The following THRB variants were observed in gnomAD, a reference collection of about 807,000 sequenced individuals.
The protein encoded by THRB is thyroid hormone receptor beta.
A neutral mutation model predicts 47.8 loss-of-function variants in THRB; 12 were observed. The ratio of observed to expected loss-of-function variants is 0.25; its 90% confidence interval spans 0.16 to 0.41. The LOEUF is 0.41. THRB is among the 10% of genes least tolerant of loss of function. The pLI is 1.00. For synonymous variants in THRB, 218 were observed against 212.2 expected (o/e 1.03, Z -0.24); for missense variants, 348 against 589.2 (o/e 0.59, Z 4.24).
intron 1 of THRB, among the ~76,000 whole-genome samples, chr3:24,401,876 A>T (rs1425244587): frequency 6.6e-6 from 1 of 152,042 alleles, no homozygotes; most frequent in Non-Finnish European, 1.5e-5. Flanking sequence ...AAAGATTCTG[A>T]TGCACAAATT....
intron 1 of THRB, among the ~76,000 whole-genome samples, chr3:24,384,512 T>C (rs2065942106): frequency 1.3e-5 from 2 of 152,096 alleles, no homozygotes; most frequent in South Asian, 2.1e-4. Context: ...TAAAATTTGG[T>C]AGGGATTTGA....
intron 1 of THRB, among the ~76,000 whole-genome samples, chr3:24,403,386 A>G (rs1283164888): frequency 6.6e-6 from 1 of 151,994 alleles, no homozygotes; most frequent in Admixed American, 6.6e-5. Flanking sequence ...TTTGGAGCAA[A>G]TAAGATAAAA....
intron 1 of THRB, among the ~76,000 whole-genome samples, chr3:24,347,431 T>C (rs1049642686): frequency 2.7e-5 from 4 of 149,044 alleles, no homozygotes; most frequent in African/African-American, 1.0e-4. Context: ...GAGAACAGAG[T>C]TACTGTAACA....
At chr3:24,306,243 T>G (rs2057328308) in intron 2 of THRB, among the ~76,000 whole-genome samples, 1 of 152,216 alleles carries the variant, frequency 6.6e-6, no homozygotes, top group South Asian at 2.1e-4. Context: ...CTGTAATAGA[T>G]AGCAGCTCCC....
In THRB at chr3:24,143,761, C is replaced by A. The variant is rs1252124097; in HGVS notation, c.533-55G>T. ...ACACAGATGCTCCCAAGATACACAG[C>A]AAGCTGCACTTCCTGGAGCCTCAGG... On this transcript the variant is annotated intron_variant, in intron 7 of 10. Transcript: ENST00000646209. 5.1e-6 allele frequency: 8 copies of A among 1,583,162 alleles called. 1 individual carries two copies. Among genetic ancestry groups the A allele is most frequent in the Non-Finnish European group, 6.9e-6 (8 of 1,153,544 alleles).
At chr3:24,269,403 G>GCGCGCA (rs1175063428) in intron 3 of THRB, among the ~76,000 whole-genome samples, 22 of 72,676 alleles carry the variant, frequency 3.0e-4, no homozygotes, top group African/African-American at 8.8e-4. Context: ...GCGCGCGCGC[G>GCGCGCA]CACACACACA....
rs771451355 is a variant in THRB at position 24,300,191 on chromosome 3, C to T, written c.-188-2820G>A. 2.6e-4 allele frequency among the ~76,000 whole-genome samples: 39 copies of T among 152,126 alleles called. 1 individual carries two copies. The highest frequency in any genetic ancestry group is 2.5e-4 in the Non-Finnish European group (17 of 68,030). On this transcript the variant is annotated intron_variant, in intron 2 of 10. Coordinates refer to ENST00000646209, the MANE Select transcript of THRB (RefSeq NM_001354712.2). ...ACCAGAGACCCAGGGTGGCTGGTTA[C>T]ACGTGACTTTGCTCAGTTACACCAG... is the stretch of plus-strand genomic sequence containing the variant.
intron 1 of THRB, among the ~76,000 whole-genome samples, chr3:24,487,128 T>G (rs998084596): frequency 1.3e-5 from 2 of 151,870 alleles, no homozygotes; most frequent in African/African-American, 2.4e-5. Context: ...CATTAGCCAG[T>G]GTTGTATACA....
At chr3:24,309,686 A>G (rs2057613275) in intron 2 of THRB, among the ~76,000 whole-genome samples, 1 of 152,170 alleles carries the variant, frequency 6.6e-6, no homozygotes, top group African/African-American at 2.4e-5. Context: ...TTGGAGCATC[A>G]TTTCCTTTTT....
rs548273761 is a variant in THRB, at chr3:24,146,610, T to A, written c.532+65A>T. On this transcript the variant is annotated intron_variant, in intron 7 of 10. Coordinates refer to ENST00000646209, the MANE Select transcript of THRB (RefSeq NM_001354712.2). ...TGCCTTCTTTTCTGCCCAGTCGATCTCCTTGAACCAAACTGTTTCCTAATC... is the reference window on the plus strand; with the variant it reads ...TGCCTTCTTTTCTGCCCAGTCGATCACCTTGAACCAAACTGTTTCCTAATC... The A allele has an allele frequency of 6.8e-5, 106 of 1,569,530 alleles. No homozygotes were observed. The African/African-American group carries it at 1.2e-3, about 18-fold the overall frequency.
chr3:24,376,867 A>C, intron 1 of THRB, among the ~76,000 whole-genome samples: 1 of 152,188 alleles, frequency 6.6e-6, no homozygotes, highest in East Asian at 1.9e-4. Flanking sequence ...ATAAAAAATT[A>C]CTACATATGT....
At chr3:24,297,022 C>T (rs528551564) in intron 3 of THRB, among the ~76,000 whole-genome samples, 1 of 152,290 alleles carries the variant, frequency 6.6e-6, no homozygotes, top group Admixed American at 6.5e-5. Context: ...TTTAACTCTA[C>T]CCGTATAGTA....
intron 1 of THRB, among the ~76,000 whole-genome samples, chr3:24,397,398 AT>A (rs1322855526): frequency 1.3e-5 from 2 of 152,104 alleles, no homozygotes; most frequent in African/African-American, 4.8e-5. Context: ...AACCAGACTC[AT>A]AACATAAAAC....
intron 2 of THRB, among the ~76,000 whole-genome samples, chr3:24,334,422 T>C (rs2062109668): frequency 6.6e-6 from 1 of 152,228 alleles, no homozygotes; most frequent in African/African-American, 2.4e-5. Flanking sequence ...TTGATGAATA[T>C]TTTTAAAAGC....
chr3:24,316,610 G>A (rs2058129433), intron 2 of THRB, among the ~76,000 whole-genome samples: 1 of 152,004 alleles, frequency 6.6e-6, no homozygotes, highest in Non-Finnish European at 1.5e-5. Context: ...TTGAATTATT[G>A]CAATGTTATC....
At chr3:24,402,201 T>G (rs574347590) in intron 1 of THRB, among the ~76,000 whole-genome samples, 11 of 152,100 alleles carry the variant, frequency 7.2e-5, no homozygotes, top group African/African-American at 2.4e-4. Flanking sequence ...CCCCAGCCAC[T>G]GTTTGATTCT....
At chr3:24,127,806 G>T (rs747237455) in intron 9 of THRB, 49 bp from the exon 10 acceptor site, 1 of 1,606,030 alleles carries the variant, frequency 6.2e-7, no homozygotes, top group East Asian at 2.2e-5. Context: ...AAAAATGCCA[G>T]TCAGGAACAA....
At chr3:24,479,542 A>C (rs1054081329) in intron 1 of THRB, among the ~76,000 whole-genome samples, 5 of 152,150 alleles carry the variant, frequency 3.3e-5, no homozygotes, top group African/African-American at 1.2e-4. Flanking sequence ...TTAGAGAATG[A>C]AGACAGTATG....
At position 24,295,651 on chromosome 3, in the gene THRB, C is replaced by T. The variant is rs148951916; in HGVS notation, c.-43+1575G>A. ...TCTGCACTTTTGAATTCAATTGAAACTTGTTAGCCCTCTTCATTTTCTTTG... is the reference window on the plus strand; with the variant it reads ...TCTGCACTTTTGAATTCAATTGAAATTTGTTAGCCCTCTTCATTTTCTTTG... On this transcript the variant is annotated intron_variant, in intron 3 of 10. Coordinates refer to ENST00000646209, the MANE Select transcript of THRB (RefSeq NM_001354712.2). 3.8e-3 allele frequency among the ~76,000 whole-genome samples: 584 copies of T among 152,260 alleles called. 1 individual carries two copies. Among genetic ancestry groups the T allele is most frequent in the Non-Finnish European group, 6.4e-3 (432 of 68,016 alleles).
Sources: gnomAD v4.1 joint callset for allele counts (sites outside exome capture counted in the v4.1 genomes callset) on GRCh38, gnomAD v4.1.1 for gene constraint, MANE v1.5 for transcripts, NCBI Gene and HGNC (gene_info 2026-07-23, HGNC 2026-07-21) for gene names.